The following FAM171B variants were observed in gnomAD, a reference collection of about 807,000 sequenced individuals.
The protein encoded by FAM171B is protein FAM171B.
In FAM171B, 19 loss-of-function variants were observed where a neutral mutation model predicts 75.6. The ratio of observed to expected loss-of-function variants is 0.25; its 90% CI spans 0.18 to 0.37. FAM171B has a LOEUF of 0.37. FAM171B is among the 10% of genes least tolerant of loss of function. FAM171B has a pLI of 1.00. For missense variants in FAM171B, 848 were observed against 982.4 expected (o/e 0.86, Z 1.83); for synonymous variants, 367 against 361.7 (o/e 1.01, Z -0.17).
At chr2:186,750,808 A>G (rs1341791535) in intron 4 of FAM171B, among the ~76,000 whole-genome samples, 1 of 152,134 alleles carries the variant, frequency 6.6e-6, no homozygotes, top group Non-Finnish European at 1.5e-5. Flanking sequence ...TTTATGGAAT[A>G]TGGTACTATA....
In FAM171B at chr2:186,740,287, C is replaced by G; in HGVS notation, c.298C>G (p.Gln100Glu). 6.2e-7 allele frequency: 1 copy of G among 1,613,974 alleles called. No individual in the cohort carries two copies. Among genetic ancestry groups the G allele is most frequent in the Non-Finnish European group, 8.5e-7 (1 of 1,179,918 alleles). ...CATCATCAGTCGTCAGTACCTGAGC[C>G]AAGCAGTTGTAGAAGTGTTTGTAAA... ...NDIISRQYLSQAVVEVFVNYT... is the reference protein window; with the variant it reads ...NDIISRQYLSEAVVEVFVNYT... The change falls in exon 2 of 8, where the codon CAA (glutamine) becomes GAA (glutamate). Residue 100 changes from glutamine to glutamate, a missense_variant. This residue lies in a region of FAM171B where 665 missense variants were observed against 729.0 expected (regional missense o/e 0.91). Coordinates refer to ENST00000304698, the MANE Select transcript of FAM171B (RefSeq NM_177454.4).
intron 1 of FAM171B, among the ~76,000 whole-genome samples, chr2:186,719,829 T>C (rs1260527653): frequency 6.6e-6 from 1 of 152,244 alleles, no homozygotes; most frequent in Admixed American, 6.5e-5. Context: ...AGGAAACAAT[T>C]GTAAATTTAG....
At chr2:186,713,416 AG>A (rs776215850) in intron 1 of FAM171B, among the ~76,000 whole-genome samples, 1 of 152,234 alleles carries the variant, frequency 6.6e-6, no homozygotes, top group Non-Finnish European at 1.5e-5. Flanking sequence ...AGTTATTGTA[AG>A]TATTAGAGAT....
At chr2:186,699,924 G>T (rs995477272) in intron 1 of FAM171B, among the ~76,000 whole-genome samples, 6 of 152,088 alleles carry the variant, frequency 3.9e-5, no homozygotes, top group Non-Finnish European at 8.8e-5. Flanking sequence ...TTGAAAATGA[G>T]TTCACTGTAG....
At chr2:186,702,069 G>A (rs1172356715) in intron 1 of FAM171B, among the ~76,000 whole-genome samples, 1 of 152,204 alleles carries the variant, frequency 6.6e-6, no homozygotes, top group Non-Finnish European at 1.5e-5. Flanking sequence ...AAAGCTATGT[G>A]TGGTCATGAA....
intron 1 of FAM171B, among the ~76,000 whole-genome samples, chr2:186,718,268 C>T (rs1574100713): frequency 6.6e-6 from 1 of 152,222 alleles, no homozygotes; most frequent in African/African-American, 2.4e-5. Flanking sequence ...TCACACACGG[C>T]TCAACCTTCC....
rs80172912 is a variant in FAM171B, at chr2:186,719,418, T to A, written c.239-20810T>A. ...ACTTTATTTCACTGTAAATAAATTA[T>A]GTGAGTTTACCAATGGAATCCCAAA... On this transcript the variant is annotated intron_variant, in intron 1 of 7. Transcript: ENST00000304698. Among the ~76,000 whole-genome samples the A allele has an allele frequency of 8.8e-3, 1,348 of 152,348 alleles. 26 individuals carry two copies. Among genetic ancestry groups the A allele is most frequent in the African/African-American group, 0.031 (1,281 of 41,568 alleles).
chr2:186,751,868 C>T (rs1690459936), intron 5 of FAM171B, among the ~76,000 whole-genome samples: 1 of 151,868 alleles, frequency 6.6e-6, no homozygotes, highest in South Asian at 2.1e-4. Flanking sequence ...GTGTAAGTTA[C>T]CAAAAAAAGA....
chr2:186,750,693 C>T (rs529668086), intron 4 of FAM171B, among the ~76,000 whole-genome samples: 2 of 152,076 alleles, frequency 1.3e-5, no homozygotes, highest in Admixed American at 1.3e-4. Flanking sequence ...GTAAGAAGTG[C>T]AGCTAGATCT....
intron 1 of FAM171B, among the ~76,000 whole-genome samples, chr2:186,711,023 T>TA (rs879934512): frequency 2.8e-4 from 42 of 151,828 alleles, no homozygotes; most frequent in African/African-American, 3.4e-4. Flanking sequence ...TCATACTTTT[T>TA]AAAAAAAATG....
chr2:186,761,530 G>A lies in FAM171B; in HGVS notation c.1188G>A (p.Glu396=), dbSNP rs374328888. 6.3e-7 allele frequency: 1 copy of A among 1,594,070 alleles called. No homozygotes were observed. Among genetic ancestry groups the A allele is most frequent in the South Asian group, 1.2e-5 (1 of 86,032 alleles). The change falls in exon 8 of 8, where the codon GAG becomes GAA. Residue 396 remains glutamate, a synonymous_variant. Transcript: ENST00000304698. ...GAGAAAGAAATATCACTAAACTTGA[G>A]GTCCTCAAGAGAGACCAGACAACTT... ...QKRERNITKL[E]VLKRDQTTST...
At chr2:186,705,630 T>G (rs534765560) in intron 1 of FAM171B, among the ~76,000 whole-genome samples, 1 of 152,288 alleles carries the variant, frequency 6.6e-6, no homozygotes, top group Admixed American at 6.5e-5. Context: ...AAAGATAACA[T>G]TCAGACTCAA....
At chr2:186,760,468 T>TA (rs1164295915) in intron 6 of FAM171B, among the ~76,000 whole-genome samples, 5 of 152,288 alleles carry the variant, frequency 3.3e-5, no homozygotes, top group African/African-American at 1.2e-4. Context: ...CATTCTATCT[T>TA]AAAATCTCTT....
intron 1 of FAM171B, among the ~76,000 whole-genome samples, chr2:186,718,006 T>C (rs553597264): frequency 6.6e-6 from 1 of 152,266 alleles, no homozygotes; most frequent in South Asian, 2.1e-4. Context: ...AAATGAATAT[T>C]ATTTATGTTT....
Position 186,761,208 on chromosome 2 carries a change from T to A in FAM171B, c.1108T>A (p.Phe370Ile). The A allele has an allele frequency of 6.2e-7, 1 of 1,612,396 alleles. No individual in the cohort carries two copies. The highest frequency in any genetic ancestry group is 8.5e-7 in the Non-Finnish European group (1 of 1,179,134). Residue 370 changes from phenylalanine (F) to isoleucine (I), a missense_variant, in exon 7 of 8, where the codon TTT (phenylalanine) becomes ATT (isoleucine). By Grantham distance (21) the Phe-to-Ile change is conservative. Coordinates refer to ENST00000304698, the MANE Select transcript of FAM171B (RefSeq NM_177454.4). Reference sequence around the variant, plus strand: ...AGGAACAATAGTCATTGTCATTGGATTTTTTGCTGTACTACTTTGTTATTG... The same window carrying A: ...AGGAACAATAGTCATTGTCATTGGAATTTTTGCTGTACTACTTTGTTATTG... ...LGGTIVIVIG[F>I]FAVLLCYCRD...
At chr2:186,696,022 G>C (rs1574516593) in intron 1 of FAM171B, among the ~76,000 whole-genome samples, 1 of 152,050 alleles carries the variant, frequency 6.6e-6, no homozygotes, top group East Asian at 1.9e-4. Context: ...TGTGATTAGG[G>C]TTATGAACTA....
At position 186,761,943 on chromosome 2, in the gene FAM171B, T is replaced by G; in HGVS notation, c.1601T>G (p.Ile534Ser). Reference protein sequence around the residue: ...RSHIPEQLMHIYSQPIAILQT... With the variant: ...RSHIPEQLMHSYSQPIAILQT... ...CATATTCCTGAACAGCTTATGCATA[T>G]TTACAGCCAACCCATTGCCATCCTT... Residue 534 changes from isoleucine (I) to serine (S), a missense_variant, in exon 8 of 8, where the codon ATT becomes AGT. By Grantham distance (142) the Ile-to-Ser change is moderately radical. Around this residue, in one of 3 missense-constraint regions of FAM171B, gnomAD observed 665 missense variants for 729.0 expected, o/e 0.91. Coordinates refer to ENST00000304698, the MANE Select transcript of FAM171B (RefSeq NM_177454.4). 1 of 1,613,444 alleles carries G rather than the reference T, an allele frequency of 6.2e-7. No individual in the cohort carries two copies. Among genetic ancestry groups the G allele is most frequent in the Non-Finnish European group, 8.5e-7 (1 of 1,179,750 alleles).
Position 186,762,039 on chromosome 2 carries a change from G to T in FAM171B, c.1697G>T (p.Gly566Val). Residue 566 changes from glycine to valine, a missense_variant, in exon 8 of 8, where the codon GGA becomes GTA. By Grantham distance (109) the Gly-to-Val change is moderately radical (BLOSUM62 -3). Transcript: ENST00000304698. The surrounding 1 kb of genome is among the most constrained non-coding windows in gnomAD (Gnocchi z 4.0). ...TAKSATLPRK[G>V]QLVYGQLMEP... ...AAGTCAGCTACTTTGCCAAGAAAGG[G>T]ACAGTTAGTCTATGGCCAATTGATG... 1 of 1,613,686 alleles carries T rather than the reference G, an allele frequency of 6.2e-7. No individual in the cohort carries two copies. The highest frequency in any genetic ancestry group is 8.5e-7 in the Non-Finnish European group (1 of 1,179,810).
intron 6 of FAM171B, among the ~76,000 whole-genome samples, chr2:186,755,951 A>G (rs1392462237): frequency 5.9e-5 from 9 of 152,228 alleles, no homozygotes; most frequent in Admixed American, 1.3e-4. Context: ...ATCCCATTCT[A>G]TATTTGCAAC....
Sources: allele counts gnomAD v4.1 joint callset (sites outside exome capture counted in the v4.1 genomes callset), GRCh38; gene constraint gnomAD v4.1.1; regional missense constraint gnomAD v4.1.1; non-coding constraint Gnocchi (gnomAD v3.1); transcripts MANE v1.5; gene names NCBI Gene and HGNC (gene_info 2026-07-23, HGNC 2026-07-21).